AKAP12: variants seen among roughly 807,000 people sequenced by gnomAD.
AKAP12 encodes the protein A-kinase anchor protein 12.
AKAP12 carries 32 observed loss-of-function variants against 79.9 expected under a neutral mutation model. The ratio of observed to expected loss-of-function variants is 0.40; its 90% CI spans 0.30 to 0.54. The LOEUF (loss-of-function observed/expected upper bound fraction) is 0.54. Among genes scored for constraint, AKAP12 ranks in the 20% least tolerant of loss-of-function variants. AKAP12 has a pLI of 0.48. For missense variants in AKAP12, 2,074 were observed against 2,177.0 expected, an observed-to-expected ratio of 0.95 and a Z score of 0.94; for synonymous variants, 808 against 857.0, an observed-to-expected ratio of 0.94 and a Z score of 1.00.
intron 2 of AKAP12, among the ~76,000 whole-genome samples, chr6:151,252,706 C>T (rs1035429659): frequency 1.8e-5 from 2 of 110,366 alleles, no homozygotes; most frequent in Non-Finnish European, 3.5e-5. Context: ...CCAGCCTGGA[C>T]AAGATACCAA....
intron 2 of AKAP12, 127 bp downstream of exon 2, chr6:151,240,851 A>T (rs1183319289): frequency 2.2e-6 from 2 of 912,718 alleles, no homozygotes; most frequent in Non-Finnish European, 2.9e-6. Flanking sequence ...CTGCAAACTC[A>T]GGAGTGCGAA....
intron 2 of AKAP12, among the ~76,000 whole-genome samples, chr6:151,241,827 A>C (rs1796982411): frequency 4.0e-5 from 1 of 25,020 alleles, no homozygotes; most frequent in Admixed American, 7.9e-4. Flanking sequence ...TACAATATGC[A>C]AAAAAAAAAA....
chr6:151,241,152 G>A (rs1402385948), intron 2 of AKAP12, among the ~76,000 whole-genome samples: 1 of 152,196 alleles, frequency 6.6e-6, no homozygotes, highest in African/African-American at 2.4e-5. Context: ...GTGAGGCCAG[G>A]ACTCGTGGTG....
At chr6:151,285,879 A>AT (rs11427563) in intron 2 of AKAP12, among the ~76,000 whole-genome samples, 64,885 of 144,744 alleles carry the variant, frequency 0.45, 14,921 homozygotes, top group Non-Finnish European at 0.49. Context: ...GGAGGTGATA[A>AT]TTTTTTTTTT....
chr6:151,271,976 A>G (rs969715082), intron 2 of AKAP12, among the ~76,000 whole-genome samples: 1 of 152,142 alleles, frequency 6.6e-6, no homozygotes, highest in Non-Finnish European at 1.5e-5. Context: ...TAATTTAATG[A>G]TATCATCTAA....
At chr6:151,336,084 C>G (rs1184501853) in intron 3 of AKAP12, among the ~76,000 whole-genome samples, 3 of 152,170 alleles carry the variant, frequency 2.0e-5, no homozygotes, top group Non-Finnish European at 4.4e-5. Context: ...CATGTTGCTG[C>G]AAAGGACATG....
chr6:151,258,983 A>G (rs1315194224), intron 2 of AKAP12, among the ~76,000 whole-genome samples: 1 of 151,444 alleles, frequency 6.6e-6, no homozygotes, highest in African/African-American at 2.4e-5. Context: ...GTATATATAC[A>G]CATAATGTAT....
intron 2 of AKAP12, among the ~76,000 whole-genome samples, chr6:151,281,989 A>T (rs991901380): frequency 2.0e-5 from 3 of 151,108 alleles, no homozygotes; most frequent in Non-Finnish European, 4.4e-5. Flanking sequence ...TGACCCACCA[A>T]GTGCAGTCTG....
Position 151,348,711 on chromosome 6 carries a change from T to G in AKAP12, c.320T>G (p.Val107Gly). 1 of 736,640 alleles carries G rather than the reference T, an allele frequency of 1.4e-6. No individual in the cohort carries two copies. Among genetic ancestry groups the G allele is most frequent in the Non-Finnish European group, 2.1e-6 (1 of 476,218 alleles). 45.6% of individuals were successfully genotyped at this position (736,640 alleles called of 1,614,324 possible). ...CCCCCCCGCCCCTTTTTGTTAATAG[T>G]TGGACAGAGAGACTCTGAAGATGTG... ...QEEEEVIVTE[V>G]GQRDSEDVSK... Residue 107 changes from valine to glycine, a missense_variant and splice_region_variant, in exon 4 of 5, where the codon GTT becomes GGT. Around this residue, in one of 3 missense-constraint regions of AKAP12, gnomAD observed 1,428 missense variants for 1,451.0 expected, o/e 0.98. Transcript: ENST00000402676.
chr6:151,345,641 A>G (rs1020754351), intron 3 of AKAP12, among the ~76,000 whole-genome samples: 3 of 151,324 alleles, frequency 2.0e-5, no homozygotes, highest in Non-Finnish European at 4.4e-5. Context: ...TACTAAAAAT[A>G]CAAACATCAG....
chr6:151,248,267 AT>A (rs112053514), intron 2 of AKAP12, among the ~76,000 whole-genome samples: 20,779 of 140,654 alleles, frequency 0.15, 1,445 homozygotes, highest in Admixed American at 0.18. Context: ...GGATTCTGTG[AT>A]TTTTTTTTTT....
At chr6:151,328,159 C>G (rs1011345610) in intron 3 of AKAP12, among the ~76,000 whole-genome samples, 3 of 151,192 alleles carry the variant, frequency 2.0e-5, no homozygotes, top group Non-Finnish European at 4.4e-5. Context: ...AACCCCGTCT[C>G]TAGTAAAAAT....
intron 2 of AKAP12, among the ~76,000 whole-genome samples, chr6:151,303,636 A>G (rs1354382242): frequency 1.3e-5 from 2 of 152,172 alleles, no homozygotes; most frequent in Non-Finnish European, 2.9e-5. Flanking sequence ...GCAGGATGGA[A>G]TGATGTCAGA....
chr6:151,287,396 G>A (rs1463944648), intron 2 of AKAP12, among the ~76,000 whole-genome samples: 2 of 151,988 alleles, frequency 1.3e-5, no homozygotes, highest in African/African-American at 2.4e-5. Context: ...GAGTAGCTGG[G>A]ACCACAGACA....
chr6:151,260,844 T>A (rs1797413102), intron 2 of AKAP12, among the ~76,000 whole-genome samples: 1 of 151,520 alleles, frequency 6.6e-6, no homozygotes, highest in Non-Finnish European at 1.5e-5. Context: ...ATACAAAAAT[T>A]AGCTGAGTGT....
rs1482759551 is a variant in AKAP12 at position 151,270,402 on chromosome 6, CT to C, written c.162+29679del. 2.0e-5 allele frequency among the ~76,000 whole-genome samples: 3 copies of C among 152,170 alleles called. No homozygotes were observed. In the East Asian group the frequency reaches 5.8e-4, roughly 29 times the overall value. On this transcript the variant is annotated intron_variant, in intron 2 of 4. Coordinates refer to ENST00000402676, the MANE Select transcript of AKAP12 (RefSeq NM_005100.4). ...TAATATTCCGTTGTATGGATATATC[CT>C]ACGTTTTATTTATCCATGCAGCAGT...
intron 2 of AKAP12, among the ~76,000 whole-genome samples, chr6:151,253,585 T>C (rs1283833783): frequency 6.6e-6 from 1 of 152,174 alleles, no homozygotes; most frequent in Non-Finnish European, 1.5e-5. Flanking sequence ...CAACCTTAGG[T>C]GGCCTATCTA....
At chr6:151,254,992 C>T (rs1797263732) in intron 2 of AKAP12, among the ~76,000 whole-genome samples, 1 of 152,268 alleles carries the variant, frequency 6.6e-6, no homozygotes, top group East Asian at 1.9e-4. Context: ...GCTTGTTCTT[C>T]GCCCAGAATG....
At chr6:151,266,596 A>G (rs530955938) in intron 2 of AKAP12, among the ~76,000 whole-genome samples, 3 of 152,336 alleles carry the variant, frequency 2.0e-5, no homozygotes, top group African/African-American at 4.8e-5. Flanking sequence ...ATAAGTGTTC[A>G]TATCCTTTGC....
Sources: allele counts gnomAD v4.1 joint callset (sites outside exome capture counted in the v4.1 genomes callset), GRCh38; gene constraint gnomAD v4.1.1; regional missense constraint gnomAD v4.1.1; transcripts MANE v1.5; gene names NCBI Gene and HGNC (gene_info 2026-07-23, HGNC 2026-07-21).